The following MRTFA variants were observed in gnomAD, a reference collection of about 807,000 sequenced individuals.
The protein encoded by MRTFA is myocardin related transcription factor A.
In MRTFA, 20 loss-of-function variants were observed where a neutral mutation model predicts 83.5. The ratio of observed to expected loss-of-function variants is 0.24; its 90% CI spans 0.17 to 0.35. The LOEUF is 0.35. MRTFA is among the 10% of genes least tolerant of loss of function. The pLI is 1.00. For missense variants in MRTFA, 1,200 were observed against 1,224.7 expected, an observed-to-expected ratio of 0.98 and a Z score of 0.30; for synonymous variants, 659 against 541.2, an observed-to-expected ratio of 1.22 and a Z score of -3.02.
Position 40,418,729 on chromosome 22 carries a change from G to T in MRTFA, c.2009C>A (p.Pro670His). ...CTCCTGCTTCACGGGGGTGCCGAGG[G>T]GGGCGGGGGCGGGGGCGGGCTGCTG... The change falls in exon 12 of 15, where the codon CCC (proline) becomes CAC (histidine). Residue 670 changes from proline (P) to histidine (H), a missense_variant. Pro to His is a moderately conservative substitution (Grantham distance 77). Around this residue, in one of 2 missense-constraint regions of MRTFA, gnomAD observed 1,107 missense variants for 1,041.8 expected, o/e 1.06. Transcript: ENST00000355630. 6.9e-7 allele frequency: 1 copy of T among 1,456,766 alleles called. No individual in the cohort carries two copies. The highest frequency in any genetic ancestry group is 1.4e-5 in the South Asian group (1 of 71,884). 90.2% of individuals were successfully genotyped at this position (1,456,766 alleles called of 1,614,324 possible). A position where few individuals can be genotyped will look rare whatever the true frequency, so the allele number is the denominator to read the frequency against.
At chr22:40,437,632 G>A (rs2053196589) in intron 4 of MRTFA, among the ~76,000 whole-genome samples, 1 of 152,008 alleles carries the variant, frequency 6.6e-6, no homozygotes, top group African/African-American at 2.4e-5. Context: ...GCATGGTAGA[G>A]GGTGCCTGTA....
At chr22:40,509,792 G>C (rs1018249165) in intron 3 of MRTFA, among the ~76,000 whole-genome samples, 17 of 151,838 alleles carry the variant, frequency 1.1e-4, no homozygotes, top group Admixed American at 1.0e-3. Context: ...CTCCTCATAA[G>C]GAGGAATTTG....
intron 8 of MRTFA, 147 bp from the exon 9 acceptor site, chr22:40,423,832 C>T: frequency 1.5e-6 from 1 of 672,932 alleles, no homozygotes; most frequent in Non-Finnish European, 2.3e-6. Flanking sequence ...GAGCAACCCC[C>T]AGGGTGGCAG....
intron 3 of MRTFA, among the ~76,000 whole-genome samples, chr22:40,532,963 C>A (rs1024984280): frequency 9.9e-5 from 15 of 152,182 alleles, no homozygotes; most frequent in African/African-American, 3.6e-4. Context: ...AAAGAAACCA[C>A]TGAAAACTAA....
At chr22:40,590,717 C>A (rs956008268) in intron 2 of MRTFA, among the ~76,000 whole-genome samples, 2 of 149,330 alleles carry the variant, frequency 1.3e-5, no homozygotes, top group African/African-American at 4.9e-5. Flanking sequence ...AAGTGTATGA[C>A]AATATTCACA....
intron 2 of MRTFA, among the ~76,000 whole-genome samples, chr22:40,586,261 C>A (rs2056026236): frequency 1.4e-5 from 2 of 147,250 alleles, no homozygotes; most frequent in Admixed American, 6.8e-5. Flanking sequence ...ACATCATTTG[C>A]TCTTCAAAAA....
At chr22:40,562,575 GGGGAAAGGGAA>G (rs1398540573) in intron 2 of MRTFA, among the ~76,000 whole-genome samples, 2 of 131,240 alleles carry the variant, frequency 1.5e-5, no homozygotes, top group Admixed American at 1.6e-4. Flanking sequence ...GGGAAGGGAA[GGGGAAAGGGAA>G]GGGAAAGGGA....
chr22:40,468,046 T>G (rs1402649761), intron 3 of MRTFA, among the ~76,000 whole-genome samples: 1 of 152,178 alleles, frequency 6.6e-6, no homozygotes, highest in Non-Finnish European at 1.5e-5. Context: ...ATCAAGTTTT[T>G]TACCTGCCTC....
chr22:40,451,975 G>GT (rs771103539), intron 4 of MRTFA, among the ~76,000 whole-genome samples: 26 of 80,484 alleles, frequency 3.2e-4, no homozygotes, highest in East Asian at 9.4e-4. Flanking sequence ...TTTTTTTTTG[G>GT]TTTTTTTTTT....
At chr22:40,531,513 T>C (rs1251286673) in intron 3 of MRTFA, among the ~76,000 whole-genome samples, 1 of 152,152 alleles carries the variant, frequency 6.6e-6, no homozygotes, top group Admixed American at 6.6e-5. Flanking sequence ...TTCAATATCC[T>C]GAAGTTTTAT....
intron 1 of MRTFA, among the ~76,000 whole-genome samples, chr22:40,603,198 C>T (rs1470319152): frequency 6.6e-6 from 1 of 152,134 alleles, no homozygotes; most frequent in Non-Finnish European, 1.5e-5. Flanking sequence ...TTTCTAGCTC[C>T]GAGGCTTCTG....
chr22:40,590,704 C>A (rs2056107606), intron 2 of MRTFA, among the ~76,000 whole-genome samples: 1 of 149,470 alleles, frequency 6.7e-6, no homozygotes, highest in African/African-American at 2.5e-5. Flanking sequence ...AAAGGAAAAG[C>A]TCAAGTGTAT....
chr22:40,607,068 T>C (rs2056326298), intron 1 of MRTFA, among the ~76,000 whole-genome samples: 1 of 152,160 alleles, frequency 6.6e-6, no homozygotes, highest in Non-Finnish European at 1.5e-5. Context: ...AGATACACAA[T>C]AGAAAATTAG....
intron 3 of MRTFA, among the ~76,000 whole-genome samples, chr22:40,498,009 G>A (rs57261354): frequency 0.02 from 3,087 of 151,462 alleles, 81 homozygotes; most frequent in African/African-American, 0.065. Context: ...GTGTAGTGGC[G>A]CATGCCTGTA....
chr22:40,461,876 C>T (rs950828910), intron 4 of MRTFA, among the ~76,000 whole-genome samples: 1 of 152,170 alleles, frequency 6.6e-6, no homozygotes, highest in Admixed American at 6.5e-5. Flanking sequence ...GCCCTGCCCA[C>T]CTTACCCATC....
Position 40,610,043 on chromosome 22 carries a change from CTTT to C in MRTFA, c.-83-15311_-83-15309del, listed in dbSNP as rs966206904. 8.0e-5 allele frequency among the ~76,000 whole-genome samples: 10 copies of C among 124,594 alleles called. No individual in the cohort carries two copies. The South Asian group carries it at 2.1e-3, about 26-fold the overall frequency. The allele number at this position is 124,594 out of a possible 152,430, so 81.7% of individuals were successfully genotyped here. ...CCAAATGTCTGTTTCTTTTTTTTCTCTTTTTTTTTTTTTTTTTTTTGAGACAGA... is the reference window on the plus strand; with the variant it reads ...CCAAATGTCTGTTTCTTTTTTTTCTCTTTTTTTTTTTTTTTTTGAGACAGA... On this transcript the variant is annotated intron_variant, in intron 1 of 14. Coordinates refer to ENST00000355630, the MANE Select transcript of MRTFA (RefSeq NM_020831.6).
chr22:40,503,095 C>A (rs905525486), intron 3 of MRTFA, among the ~76,000 whole-genome samples: 2 of 152,102 alleles, frequency 1.3e-5, no homozygotes, highest in Non-Finnish European at 2.9e-5. Flanking sequence ...TGCTTAAAGG[C>A]CTCCAAGCTG....
chr22:40,496,683 G>A (rs1666834364), intron 3 of MRTFA, among the ~76,000 whole-genome samples: 1 of 145,346 alleles, frequency 6.9e-6, no homozygotes, highest in Non-Finnish European at 1.5e-5. Context: ...TTCTATATAT[G>A]CACAGGAGAG....
At chr22:40,449,602 T>TA in intron 4 of MRTFA, among the ~76,000 whole-genome samples, 1 of 152,326 alleles carries the variant, frequency 6.6e-6, no homozygotes, top group East Asian at 1.9e-4. Context: ...TTCCCTAATC[T>TA]AACAAAGGCA....
Sources: gnomAD v4.1 joint callset for allele counts (sites outside exome capture counted in the v4.1 genomes callset) on GRCh38, gnomAD v4.1.1 for gene constraint, gnomAD v4.1.1 regional missense constraint, MANE v1.5 for transcripts, NCBI Gene and HGNC (gene_info 2026-07-23, HGNC 2026-07-21) for gene names.